Variants in FAHD2A observed in about 807,000 individuals in gnomAD.
The protein encoded by FAHD2A is oxaloacetate tautomerase FAHD2A, mitochondrial.
In FAHD2A, 27 loss-of-function variants were observed where a neutral mutation model predicts 33.4. That is an observed-to-expected ratio of 0.81 (90% CI 0.60 to 1.11). The LOEUF is 1.11. Among genes scored for constraint, FAHD2A ranks in the 50% most tolerant of loss-of-function variants. The pLI is 0.00. For missense variants in FAHD2A, 296 were observed against 395.0 expected, an observed-to-expected ratio of 0.75 and a Z score of 2.12; for synonymous variants, 130 against 153.3, an observed-to-expected ratio of 0.85 and a Z score of 1.12.
In FAHD2A at chr2:95,406,945, C is replaced by T. The variant is rs535207197; in HGVS notation, c.250C>T (p.Leu84=). The T allele has an allele frequency of 6.1e-5, 98 of 1,612,426 alleles. No homozygotes were observed. The highest frequency in any genetic ancestry group is 1.2e-4 in the Admixed American group (7 of 59,736). ...EATLSVARRA[L]AAQLPVLPRS... Reference sequence around the variant, plus strand: ...CACCTGCTCTGGTCTCTACAGAGCCCTGGCTGCCCAGTTGCCAGTCCTACC... The same window carrying T: ...CACCTGCTCTGGTCTCTACAGAGCCTTGGCTGCCCAGTTGCCAGTCCTACC... The change falls in exon 3 of 8, where the codon CTG becomes TTG. Residue 84 remains leucine, a synonymous_variant. Coordinates refer to ENST00000233379, the MANE Select transcript of FAHD2A (RefSeq NM_016044.3).
chr2:95,413,612 T>C lies in FAHD2A; in HGVS notation c.*655T>C. 6.7e-7 allele frequency: 1 copy of C among 1,490,564 alleles called. No homozygotes were observed. Among genetic ancestry groups the C allele is most frequent in the East Asian group, 2.4e-5 (1 of 40,988 alleles). 92.3% of individuals were successfully genotyped at this position (1,490,564 alleles called of 1,614,324 possible). A position where few individuals can be genotyped will look rare whatever the true frequency, so the allele number is the denominator to read the frequency against. ...CCGTGAGTGCACTCACCACAGGGAC[T>C]GTGTCCACATGGCCCAGGGGCCAGG... On this transcript the variant is annotated 3_prime_UTR_variant, in exon 8 of 8. Transcript: ENST00000233379.
chr2:95,403,304 G>A (rs1025855705), intron 1 of FAHD2A, among the ~76,000 whole-genome samples: 1 of 152,174 alleles, frequency 6.6e-6, no homozygotes, highest in African/African-American at 2.4e-5. Context: ...TTTAAAGTGA[G>A]GGCGCTCTAC....
At chr2:95,405,276 G>A (rs1315165522) in intron 1 of FAHD2A, 7 of 408,372 alleles carry the variant, frequency 1.7e-5, no homozygotes, top group Admixed American at 8.0e-5. Flanking sequence ...AATACCTACA[G>A]CAGAGCCAAG....
intron 2 of FAHD2A, 36 bp downstream of exon 2, chr2:95,405,839 C>T (rs1182421002): frequency 2.0e-6 from 3 of 1,527,766 alleles, no homozygotes; most frequent in Non-Finnish European, 2.6e-6. Context: ...GAAGCAGCTG[C>T]CCTGGTCCCC....
rs1452342433 is a variant in FAHD2A at position 95,414,559 on chromosome 2, C to T, written c.*1602C>T. Reference sequence around the variant, plus strand: ...GTCCTGCCTCACTGGACAGCCTCTCCGCGGCCTTCCTCCTCCCTGCTCCAG... The same window carrying T: ...GTCCTGCCTCACTGGACAGCCTCTCTGCGGCCTTCCTCCTCCCTGCTCCAG... On this transcript the variant is annotated 3_prime_UTR_variant, in exon 8 of 8. Coordinates refer to ENST00000233379, the MANE Select transcript of FAHD2A (RefSeq NM_016044.3). The T allele has an allele frequency of 8.6e-5, 25 of 291,962 alleles. No homozygotes were observed. The highest frequency in any genetic ancestry group is 1.3e-4 in the African/African-American group (6 of 44,516). 18.1% of individuals were successfully genotyped at this position (291,962 alleles called of 1,614,324 possible).
rs1249711488 is a variant in FAHD2A at position 95,405,614 on chromosome 2, G to T, written c.56G>T (p.Trp19Leu). 3.7e-6 allele frequency: 6 copies of T among 1,614,086 alleles called. No individual in the cohort carries two copies. The East Asian group carries it at 1.1e-4, about 30-fold the overall frequency. ...LLTVLLQAQK[W>L]PFQPSRDMRL... ...ACAGTTCTGCTGCAGGCTCAGAAGT[G>T]GCCCTTTCAACCCTCCAGAGACATG... The change falls in exon 2 of 8, where the codon TGG (tryptophan) becomes TTG (leucine). Residue 19 changes from tryptophan to leucine, a missense_variant. Coordinates refer to ENST00000233379, the MANE Select transcript of FAHD2A (RefSeq NM_016044.3).
At chr2:95,420,788 G>C (rs1206863600), downstream of FAHD2A, among the ~76,000 whole-genome samples, 2 of 151,990 alleles carry the variant, frequency 1.3e-5, no homozygotes, top group African/African-American at 4.8e-5. Context: ...GGGGAACATG[G>C]CTATGACCCC....
rs1192674199 is a variant in FAHD2A at position 95,415,228 on chromosome 2, C to A, written c.*2271C>A. ...GGCCCATCCTTTGGGTATGCCAACT[C>A]CATGTCCACCAAGCACTGCATGTAG... is the stretch of plus-strand genomic sequence containing the variant. On this transcript the variant is annotated 3_prime_UTR_variant, in exon 8 of 8. Transcript: ENST00000233379. 6.6e-6 allele frequency: 1 copy of A among 152,132 alleles called. No individual in the cohort carries two copies. The highest frequency in any genetic ancestry group is 2.4e-5 in the African/African-American group (1 of 41,426). 9.4% of individuals were successfully genotyped at this position (152,132 alleles called of 1,614,324 possible).
In FAHD2A at chr2:95,415,434, A is replaced by AT. The variant is rs1683058443; in HGVS notation, c.*2477_*2478insT. 5 of 152,702 alleles carry AT rather than the reference A, an allele frequency of 3.3e-5. No homozygotes were observed. The highest frequency in any genetic ancestry group is 2.6e-4 in the Admixed American group (4 of 15,306). The allele number at this position is 152,702 out of a possible 1,614,324, so 9.5% of individuals were successfully genotyped here. On this transcript the variant is annotated 3_prime_UTR_variant, in exon 8 of 8. Transcript: ENST00000233379. The stretch of plus-strand genomic sequence containing the variant: ...GCAAATGAAATGTTAAAAAAAAAAA[A>AT]AAAGCAATACTTGCATTCTCATTAG...
At position 95,410,493 on chromosome 2, in the gene FAHD2A, C is replaced by T. The variant is rs758628094; in HGVS notation, c.463-34C>T. The T allele has an allele frequency of 2.5e-6, 4 of 1,589,614 alleles. No individual in the cohort carries two copies. In the East Asian group the frequency reaches 9.1e-5, roughly 36 times the overall value. ...CAGCATGGACAGTGGGCCCTGAAGC[C>T]ACTGCAGCTCACTGTTCCTCTCCCA... is the stretch of plus-strand genomic sequence containing the variant. On this transcript the variant is annotated intron_variant, in intron 3 of 7. Coordinates refer to ENST00000233379, the MANE Select transcript of FAHD2A (RefSeq NM_016044.3).
chr2:95,413,858 G>A lies in FAHD2A; in HGVS notation c.*901G>A. On this transcript the variant is annotated 3_prime_UTR_variant, in exon 8 of 8. Transcript: ENST00000233379. ...CCAGGGTCTTAATGAGGCACCATCAGGCCAGCCCTGTGGGGTGATGGGAAC... is the reference window on the plus strand; with the variant it reads ...CCAGGGTCTTAATGAGGCACCATCAAGCCAGCCCTGTGGGGTGATGGGAAC... 2 of 802,568 alleles carry A rather than the reference G, an allele frequency of 2.5e-6. No homozygotes were observed. Among genetic ancestry groups the A allele is most frequent in the Non-Finnish European group, 4.3e-6 (2 of 462,426 alleles). The allele number at this position is 802,568 out of a possible 1,614,324, so 49.7% of individuals were successfully genotyped here. A position where few individuals can be genotyped will look rare whatever the true frequency, so the allele number is the denominator to read the frequency against.
In FAHD2A at chr2:95,405,659, C is replaced by T; in HGVS notation, c.101C>T (p.Ala34Val). 1 of 1,614,116 alleles carries T rather than the reference C, an allele frequency of 6.2e-7. No individual in the cohort carries two copies. Among genetic ancestry groups the T allele is most frequent in the Non-Finnish European group, 8.5e-7 (1 of 1,180,026 alleles). Reference protein sequence around the residue: ...SRDMRLVQFRAPHLVGPHLGL... With the variant: ...SRDMRLVQFRVPHLVGPHLGL... ...GACATGAGACTAGTGCAGTTCCGGG[C>T]ACCCCACCTGGTGGGGCCTCACTTG... The change falls in exon 2 of 8, where the codon GCA becomes GTA. Residue 34 changes from alanine to valine, a missense_variant. Transcript: ENST00000233379.
In FAHD2A at chr2:95,414,579, C is replaced by T. The variant is rs1319534676; in HGVS notation, c.*1622C>T. On this transcript the variant is annotated 3_prime_UTR_variant, in exon 8 of 8. Coordinates refer to ENST00000233379, the MANE Select transcript of FAHD2A (RefSeq NM_016044.3). Reference sequence around the variant, plus strand: ...CTCTCCGCGGCCTTCCTCCTCCCTGCTCCAGAATTCTACTTGGTGCCCCCC... The same window carrying T: ...CTCTCCGCGGCCTTCCTCCTCCCTGTTCCAGAATTCTACTTGGTGCCCCCC... 16 of 269,584 alleles carry T rather than the reference C, an allele frequency of 5.9e-5. No homozygotes were observed. In the Admixed American group the frequency reaches 7.8e-4, roughly 13 times the overall value. The allele number at this position is 269,584 out of a possible 1,614,324, so 16.7% of individuals were successfully genotyped here.
At chr2:95,407,497 A>G (rs1363617709) in intron 3 of FAHD2A, 3 of 290,360 alleles carry the variant, frequency 1.0e-5, no homozygotes, top group Admixed American at 4.7e-5. Context: ...TTTATACTGT[A>G]CATATACTTA....
chr2:95,410,554 G>A lies in FAHD2A; in HGVS notation c.490G>A (p.Val164Met), dbSNP rs575508757. 9.3e-6 allele frequency: 15 copies of A among 1,612,902 alleles called. No homozygotes were observed. Among genetic ancestry groups the A allele is most frequent in the South Asian group, 5.5e-5 (5 of 90,548 alleles). ...QEVDWEVELA[V>M]VIGKKGKHIK... is the part of the protein sequence containing the mutation. ...GGTAGATTGGGAAGTGGAGCTGGCCGTGGTCATTGGAAAGAAAGGCAAGCA... is the reference window on the plus strand; with the variant it reads ...GGTAGATTGGGAAGTGGAGCTGGCCATGGTCATTGGAAAGAAAGGCAAGCA... The change falls in exon 4 of 8, where the codon GTG becomes ATG. Residue 164 changes from valine to methionine, a missense_variant. By Grantham distance (21) the Val-to-Met change is conservative. Transcript: ENST00000233379.
Position 95,414,147 on chromosome 2 carries a change from C to T in FAHD2A, c.*1190C>T, listed in dbSNP as rs1682930580. 8.4e-6 allele frequency: 13 copies of T among 1,540,796 alleles called. No homozygotes were observed. Among genetic ancestry groups the T allele is most frequent in the Non-Finnish European group, 9.7e-6 (11 of 1,135,194 alleles). On this transcript the variant is annotated 3_prime_UTR_variant, in exon 8 of 8. Transcript: ENST00000233379. ...GACTGGACAGAAGACTACTCTGCAG[C>T]CCGCCTTCCTAGAGTTGGGTTGTCA...
In FAHD2A at chr2:95,412,918, G is replaced by A. The variant is rs1166677019; in HGVS notation, c.906G>A (p.Glu302=). ...AGAAGGGGGATGAAGTCCAGTGTGA[G>A]ATTGAAGAACTAGGTGTCATCATCA... ...FLKKGDEVQC[E]IEELGVIINK... is the part of the protein sequence containing the mutation. Residue 302 remains glutamate (E), a synonymous_variant, in exon 8 of 8, where the codon GAG becomes GAA. Transcript: ENST00000233379. The A allele has an allele frequency of 6.2e-7, 1 of 1,614,130 alleles. No individual in the cohort carries two copies. Among genetic ancestry groups the A allele is most frequent in the Non-Finnish European group, 8.5e-7 (1 of 1,180,060 alleles).
intron 4 of FAHD2A, 78 bp from the exon 5 acceptor site, chr2:95,410,786 C>T (rs1272735385): frequency 6.3e-7 from 1 of 1,589,246 alleles, no homozygotes; most frequent in African/African-American, 1.3e-5. Context: ...GGGATAACAG[C>T]TTAGAGATCC....
In FAHD2A at chr2:95,412,419, A is replaced by T; in HGVS notation, c.686-15A>T. The T allele has an allele frequency of 6.2e-7, 1 of 1,613,626 alleles. No homozygotes were observed. Among genetic ancestry groups the T allele is most frequent in the Admixed American group, 1.7e-5 (1 of 60,006 alleles). On this transcript the variant is annotated splice_polypyrimidine_tract_variant and intron_variant, in intron 5 of 7. Transcript: ENST00000233379. ...GGAAAAGGGATAACTCCAAGGTACC[A>T]TCTTTGCATTTCAGATCCACACAAC... is the stretch of plus-strand genomic sequence containing the variant.
Sources: gnomAD v4.1 joint callset for allele counts (sites outside exome capture counted in the v4.1 genomes callset) on GRCh38, gnomAD v4.1.1 for gene constraint, MANE v1.5 for transcripts, NCBI Gene and HGNC (gene_info 2026-07-23, HGNC 2026-07-21) for gene names.